Variants in SORCS2 observed in about 807,000 individuals in gnomAD.
SORCS2 encodes the protein VPS10 domain-containing receptor SorCS2.
A neutral mutation model predicts 141.6 loss-of-function variants in SORCS2; 100 were observed. The observed-to-expected ratio is 0.71, with a 90% confidence interval of 0.60 to 0.83. The LOEUF is 0.83. SORCS2 is among the 40% of genes least tolerant of loss of function. SORCS2 has a pLI of 0.00. For missense variants in SORCS2, 1,646 were observed against 1,560.2 expected (o/e 1.05, Z -0.93); for synonymous variants, 789 against 676.9 (o/e 1.17, Z -2.57).
intron 1 of SORCS2, among the ~76,000 whole-genome samples, chr4:7,330,441 G>A (rs1406140331): frequency 2.6e-5 from 4 of 151,658 alleles, no homozygotes; most frequent in African/African-American, 7.3e-5. Flanking sequence ...GTTGAGCTGC[G>A]ATTCCTACCA....
At chr4:7,576,926 G>T (rs1414645919) in intron 3 of SORCS2, among the ~76,000 whole-genome samples, 1 of 152,182 alleles carries the variant, frequency 6.6e-6, no homozygotes, top group Non-Finnish European at 1.5e-5. Flanking sequence ...CCGGGTTATC[G>T]CAGTCTTCTG....
At chr4:7,242,398 C>G (rs1712763535) in intron 1 of SORCS2, among the ~76,000 whole-genome samples, 1 of 151,842 alleles carries the variant, frequency 6.6e-6, no homozygotes, top group Non-Finnish European at 1.5e-5. Context: ...GAGTTGGGGT[C>G]TCACTATGTT....
At chr4:7,521,960 C>G (rs1379612785) in intron 2 of SORCS2, among the ~76,000 whole-genome samples, 1 of 152,248 alleles carries the variant, frequency 6.6e-6, no homozygotes. Context: ...ACACCGGCTT[C>G]CCTTCAGTGG....
At chr4:7,641,929 G>C (rs1044933594) in intron 4 of SORCS2, among the ~76,000 whole-genome samples, 4 of 127,584 alleles carry the variant, frequency 3.1e-5, no homozygotes, top group Non-Finnish European at 7.0e-5. Flanking sequence ...CAGATGGATG[G>C]ATAGATGATG....
intron 1 of SORCS2, among the ~76,000 whole-genome samples, chr4:7,261,943 A>G (rs1446649882): frequency 1.3e-5 from 2 of 152,350 alleles, no homozygotes; most frequent in African/African-American, 2.4e-5. Flanking sequence ...GAAATTTGCC[A>G]TTTGCATTTC....
intron 2 of SORCS2, among the ~76,000 whole-genome samples, chr4:7,527,812 G>C (rs944835510): frequency 2.6e-5 from 4 of 152,146 alleles, no homozygotes; most frequent in African/African-American, 9.7e-5. Context: ...AGGTGAGCAG[G>C]GAGATGTAGG....
In SORCS2 at chr4:7,724,899, T is replaced by TGGA. The variant is rs1560115004; in HGVS notation, c.2612-253_2612-252insAGG. 6.2e-4 allele frequency among the ~76,000 whole-genome samples: 56 copies of TGGA among 90,072 alleles called. 8 individuals are homozygous for TGGA. The highest frequency in any genetic ancestry group is 2.4e-3 in the South Asian group (6 of 2,504). The allele number at this position is 90,072 out of a possible 152,430, so 59.1% of individuals were successfully genotyped here. On this transcript the variant is annotated intron_variant, in intron 19 of 26. Transcript: ENST00000507866. ...GTGATGGTGGTGGTGTTGGTGATGGTGGTGATAGTATTGGTGGGAATGGAT... is the reference window on the plus strand; with the variant it reads ...GTGATGGTGGTGGTGTTGGTGATGGTGGAGGTGATAGTATTGGTGGGAATGGAT...
At chr4:7,473,088 A>G (rs530525083) in intron 2 of SORCS2, among the ~76,000 whole-genome samples, 1 of 146,404 alleles carries the variant, frequency 6.8e-6, no homozygotes, top group East Asian at 1.9e-4. Context: ...GCCATTGATT[A>G]TTAATATTTG....
At chr4:7,291,533 C>T (rs1240676974) in intron 1 of SORCS2, among the ~76,000 whole-genome samples, 3 of 152,112 alleles carry the variant, frequency 2.0e-5, no homozygotes, top group Non-Finnish European at 4.4e-5. Context: ...GCGTTTTGGG[C>T]CCCGGGCTGT....
At position 7,233,487 on chromosome 4, in the gene SORCS2, C is replaced by CGCTGGGCTCAGGGTGAGCAGACACTT. The variant is rs1712050418; in HGVS notation, c.480+40368_480+40393dup. On this transcript the variant is annotated intron_variant, in intron 1 of 26. Coordinates refer to ENST00000507866, the MANE Select transcript of SORCS2 (RefSeq NM_020777.3). The surrounding 1 kb of genome is among the most constrained non-coding windows in gnomAD (Gnocchi z 4.5). Reference sequence around the variant, plus strand: ...TGGGCCACAGTGCAGTACAGACCCTCGCTGGGCTCAGGGTGAGCAGACACT... The same window carrying CGCTGGGCTCAGGGTGAGCAGACACTT: ...TGGGCCACAGTGCAGTACAGACCCTCGCTGGGCTCAGGGTGAGCAGACACTTGCTGGGCTCAGGGTGAGCAGACACT... Among the ~76,000 whole-genome samples, 4 of 152,188 alleles carry CGCTGGGCTCAGGGTGAGCAGACACTT rather than the reference C, an allele frequency of 2.6e-5. No homozygotes were observed. Among genetic ancestry groups the CGCTGGGCTCAGGGTGAGCAGACACTT allele is most frequent in the Admixed American group, 1.3e-4 (2 of 15,282 alleles).
At chr4:7,295,479 C>T (rs559308884) in intron 1 of SORCS2, among the ~76,000 whole-genome samples, 6 of 152,066 alleles carry the variant, frequency 3.9e-5, no homozygotes, top group Admixed American at 1.3e-4. Context: ...GAGATGGGGC[C>T]GGCAGTGGAG....
intron 3 of SORCS2, among the ~76,000 whole-genome samples, chr4:7,622,291 C>T (rs774217391): frequency 4.7e-4 from 71 of 152,132 alleles, no homozygotes; most frequent in Non-Finnish European, 1.6e-4. Context: ...CTCGCGGTCT[C>T]GCCACTGTAT....
chr4:7,457,991 AT>A (rs1729029845), intron 2 of SORCS2, among the ~76,000 whole-genome samples: 1 of 152,172 alleles, frequency 6.6e-6, no homozygotes, highest in Non-Finnish European at 1.5e-5. Context: ...GGGCAGGGGC[AT>A]TTGGTCTGCA....
At chr4:7,737,384 G>T (rs886758158) in intron 26 of SORCS2, among the ~76,000 whole-genome samples, 3 of 152,106 alleles carry the variant, frequency 2.0e-5, no homozygotes, top group African/African-American at 7.2e-5. Context: ...CGGCAGAGAT[G>T]AAATCTGAGA....
At chr4:7,360,303 C>T (rs1577444078) in intron 1 of SORCS2, among the ~76,000 whole-genome samples, 1 of 152,276 alleles carries the variant, frequency 6.6e-6, no homozygotes, top group Non-Finnish European at 1.5e-5. Flanking sequence ...GGTGAGGTGA[C>T]ATGCCCCAAA....
chr4:7,699,081 A>G lies in SORCS2; in HGVS notation c.1668+1807A>G, dbSNP rs541216220. Among the ~76,000 whole-genome samples the G allele has an allele frequency of 4.6e-5, 7 of 152,308 alleles. No homozygotes were observed. The South Asian group carries it at 1.5e-3, about 32-fold the overall frequency. On this transcript the variant is annotated intron_variant, in intron 12 of 26. Coordinates refer to ENST00000507866, the MANE Select transcript of SORCS2 (RefSeq NM_020777.3). ...TTAATCGACATAACCTTTCAAAAAC[A>G]TGAGTTTCCTAGGATGTTTTGTTTA...
intron 2 of SORCS2, chr4:7,433,782 A>G: frequency 6.2e-7 from 1 of 1,613,550 alleles, no homozygotes; most frequent in Non-Finnish European, 8.5e-7. Flanking sequence ...TCCGGTTGCC[A>G]CACAGACGGA....
chr4:7,652,804 C>T (rs1721526039), intron 4 of SORCS2, among the ~76,000 whole-genome samples: 1 of 152,146 alleles, frequency 6.6e-6, no homozygotes, highest in African/African-American at 2.4e-5. Context: ...CTGAGCGCCT[C>T]ATCTTATCCG....
rs772898477 is a variant in SORCS2 at position 7,434,661 on chromosome 4, G to A, written c.548+38306G>A. 32 of 1,612,910 alleles carry A rather than the reference G, an allele frequency of 2.0e-5. No individual in the cohort carries two copies. The East Asian group carries it at 4.5e-4, about 22-fold the overall frequency. On this transcript the variant is annotated intron_variant, in intron 2 of 26. Coordinates refer to ENST00000507866, the MANE Select transcript of SORCS2 (RefSeq NM_020777.3). ...CGTCAGGGTTCAGCCCATTGCCAGC[G>A]GCGGCTGCTATGTCCTGGCATACGT...
Sources: gnomAD v4.1 joint callset for allele counts (sites outside exome capture counted in the v4.1 genomes callset) on GRCh38, gnomAD v4.1.1 for gene constraint, Gnocchi (gnomAD v3.1) non-coding constraint, MANE v1.5 for transcripts, NCBI Gene and HGNC (gene_info 2026-07-23, HGNC 2026-07-21) for gene names.